The following ROCK2 variants were observed in gnomAD, a reference collection of about 807,000 sequenced individuals.
ROCK2 encodes the protein Rho associated coiled-coil containing protein kinase 2, also known as rho-associated protein kinase 2.
In ROCK2, 61 loss-of-function variants were observed where a neutral mutation model predicts 195.1. That is an observed-to-expected ratio of 0.31 (90% CI 0.25 to 0.39). The LOEUF (loss-of-function observed/expected upper bound fraction) is 0.39. Ranked by LOEUF, ROCK2 falls within the 10% of genes least tolerant of loss-of-function variation. The probability of loss-of-function intolerance (pLI) is 1.00; values close to 1 mark genes in which losing one functional copy is unlikely to be tolerated. For missense variants in ROCK2, 1,109 were observed against 1,637.4 expected (o/e 0.68, Z 5.57); for synonymous variants, 504 against 545.5 (o/e 0.92, Z 1.06).
chr2:11,262,606 C>T (rs1330934399), intron 3 of ROCK2, among the ~76,000 whole-genome samples: 1 of 152,146 alleles, frequency 6.6e-6, no homozygotes, highest in South Asian at 2.1e-4. Flanking sequence ...AGTTTTCCTG[C>T]ACAAGCTCTC....
At chr2:11,289,404 T>C (rs1667294454) in intron 1 of ROCK2, among the ~76,000 whole-genome samples, 1 of 152,214 alleles carries the variant, frequency 6.6e-6, no homozygotes, top group Non-Finnish European at 1.5e-5. Context: ...GTTTAAAATG[T>C]AAAATCTGAA....
intron 23 of ROCK2, 112 bp from the exon 24 acceptor site, chr2:11,198,886 T>TC (rs1233684735): frequency 4.9e-5 from 29 of 593,536 alleles, no homozygotes; most frequent in South Asian, 7.8e-5. Context: ...TATTTTTCTT[T>TC]TTTTTTTTTT....
In ROCK2 at chr2:11,183,110, G is replaced by A. The variant is rs868322307; in HGVS notation, c.*327C>T. ...CCTCTCTGTTGAAGCTAGAAAAGAT[G>A]TTTTCTTTAGCCTTTAACTCTTCTC... is the stretch of plus-strand genomic sequence containing the variant. On this transcript the variant is annotated 3_prime_UTR_variant, in exon 33 of 33. Transcript: ENST00000315872. 4.4e-5 allele frequency: 10 copies of A among 226,294 alleles called. No homozygotes were observed. Among genetic ancestry groups the A allele is most frequent in the Middle Eastern group, 1.4e-3 (1 of 734 alleles). 14.0% of individuals were successfully genotyped at this position (226,294 alleles called of 1,614,324 possible). A position where few individuals can be genotyped will look rare whatever the true frequency, so the allele number is the denominator to read the frequency against.
At chr2:11,317,407 A>C (rs1572400107) in intron 1 of ROCK2, among the ~76,000 whole-genome samples, 1 of 151,366 alleles carries the variant, frequency 6.6e-6, no homozygotes, top group East Asian at 1.9e-4. Context: ...CTGTTACATA[A>C]CTTCTCTAAA....
intron 28 of ROCK2, 53 bp downstream of exon 28, chr2:11,194,902 A>T: frequency 9.8e-7 from 1 of 1,017,414 alleles, no homozygotes; most frequent in Non-Finnish European, 1.5e-6. Flanking sequence ...CCAAATGACT[A>T]GAGTTAAAAC....
chr2:11,319,541 T>C (rs1668336349), intron 1 of ROCK2, among the ~76,000 whole-genome samples: 1 of 152,224 alleles, frequency 6.6e-6, no homozygotes, highest in Admixed American at 6.5e-5. Flanking sequence ...TCATGTCATC[T>C]GCAGACAGGG....
chr2:11,296,472 C>T (rs73175691), intron 1 of ROCK2, among the ~76,000 whole-genome samples: 3,109 of 152,140 alleles, frequency 0.02, 101 homozygotes, highest in African/African-American at 0.07. Context: ...GGTTTCCACC[C>T]CTAAGAACCT....
At chr2:11,217,226 G>T in intron 11 of ROCK2, 57 bp from the exon 12 acceptor site, 1 of 852,870 alleles carries the variant, frequency 1.2e-6, no homozygotes, top group East Asian at 2.4e-5. Flanking sequence ...AAGATGAGAG[G>T]CTTAAAGAAA....
At chr2:11,309,626 A>C (rs1469842927) in intron 1 of ROCK2, among the ~76,000 whole-genome samples, 1 of 152,224 alleles carries the variant, frequency 6.6e-6, no homozygotes, top group African/African-American at 2.4e-5. Flanking sequence ...AAATCACAAA[A>C]ATGAGTATAT....
chr2:11,327,968 G>C (rs1314515490), intron 1 of ROCK2, among the ~76,000 whole-genome samples: 1 of 152,166 alleles, frequency 6.6e-6, no homozygotes, highest in East Asian at 1.9e-4. Context: ...CAGAGAAGGA[G>C]ACAGAGCAAT....
intron 1 of ROCK2, among the ~76,000 whole-genome samples, chr2:11,311,983 A>G (rs908433645): frequency 6.6e-6 from 1 of 152,196 alleles, no homozygotes; most frequent in African/African-American, 2.4e-5. Context: ...TTCAACAAAT[A>G]CAACATATCA....
intron 1 of ROCK2, among the ~76,000 whole-genome samples, chr2:11,291,083 T>A (rs1667348574): frequency 6.6e-6 from 1 of 152,196 alleles, no homozygotes. Context: ...AAAACATGTA[T>A]AAGCCAAACA....
At chr2:11,339,407 ATTAAG>A (rs1268558033) in intron 1 of ROCK2, among the ~76,000 whole-genome samples, 3 of 152,140 alleles carry the variant, frequency 2.0e-5, no homozygotes, top group Admixed American at 2.0e-4. Context: ...TATCCATTAT[ATTAAG>A]TTGACTGAAC....
At chr2:11,311,039 C>A (rs1203579434) in intron 1 of ROCK2, among the ~76,000 whole-genome samples, 1 of 151,448 alleles carries the variant, frequency 6.6e-6, no homozygotes, top group Non-Finnish European at 1.5e-5. Flanking sequence ...TAACTTACTT[C>A]TCCAACTCTC....
At chr2:11,222,249 A>G (rs1664661885) in intron 7 of ROCK2, 75 bp from the exon 8 acceptor site, 6 of 806,306 alleles carry the variant, frequency 7.4e-6, no homozygotes, top group Non-Finnish European at 1.2e-5. Flanking sequence ...CAACAGTTTA[A>G]CCAAAATAAA....
chr2:11,284,245 G>C (rs1352054097), intron 3 of ROCK2, among the ~76,000 whole-genome samples: 1 of 152,102 alleles, frequency 6.6e-6, no homozygotes, highest in Non-Finnish European at 1.5e-5. Context: ...AGAGACTTGG[G>C]GCTGGGAGAT....
At chr2:11,290,665 G>A (rs899779014) in intron 1 of ROCK2, among the ~76,000 whole-genome samples, 1 of 151,934 alleles carries the variant, frequency 6.6e-6, no homozygotes, top group Non-Finnish European at 1.5e-5. Context: ...CAATGGGTAC[G>A]TGCTAAAAGT....
chr2:11,263,026 G>A (rs1383639094), intron 3 of ROCK2, among the ~76,000 whole-genome samples: 1 of 152,008 alleles, frequency 6.6e-6, no homozygotes, highest in African/African-American at 2.4e-5. Context: ...GATCAAATGG[G>A]GGATACAGAA....
chr2:11,273,094 C>CAAAA (rs34784074), intron 3 of ROCK2, among the ~76,000 whole-genome samples: 15 of 21,730 alleles, frequency 6.9e-4, no homozygotes, highest in Admixed American at 1.9e-3. Flanking sequence ...AAATAAGGGT[C>CAAAA]AAAAAAAAAA....
Sources: gnomAD v4.1 joint callset for allele counts (sites outside exome capture counted in the v4.1 genomes callset) on GRCh38, gnomAD v4.1.1 for gene constraint, MANE v1.5 for transcripts, NCBI Gene and HGNC (gene_info 2026-07-23, HGNC 2026-07-21) for gene names.